The following GBP1 variants were observed in gnomAD, a reference collection of about 807,000 sequenced individuals.
The protein encoded by GBP1 is guanylate-binding protein 1.
Under a neutral mutation model 69.5 loss-of-function variants are expected in GBP1, and 64 were observed. The ratio of observed to expected loss-of-function variants is 0.92; its 90% CI spans 0.75 to 1.13. GBP1 has a LOEUF of 1.13. GBP1 is among the 50% of genes most tolerant of loss of function. The probability of loss-of-function intolerance (pLI) is 0.00; values close to 1 mark genes in which losing one functional copy is unlikely to be tolerated. For missense variants in GBP1, 630 were observed against 704.1 expected, an observed-to-expected ratio of 0.89 and a Z score of 1.19; for synonymous variants, 250 against 261.2, an observed-to-expected ratio of 0.96 and a Z score of 0.41.
At chr1:89,063,326 C>T in intron 1 of GBP1, 73 bp from the exon 2 acceptor site, 1 of 1,377,182 alleles carries the variant, frequency 7.3e-7, no homozygotes, top group Non-Finnish European at 1.0e-6. Flanking sequence ...ATAAGATTCC[C>T]CAGTATGGCC....
chr1:89,058,431 C>T (rs542891494), intron 5 of GBP1, 197 bp from the exon 6 acceptor site: 4 of 561,744 alleles, frequency 7.1e-6, no homozygotes, highest in African/African-American at 5.6e-5. Flanking sequence ...ACCTTATTTA[C>T]AAAGACAGCT....
rs1317954899 is a variant in GBP1, at chr1:89,056,901, T to C, written c.1108A>G (p.Arg370Gly). The change falls in exon 7 of 11, where the codon AGG becomes GGG. Residue 370 changes from arginine (R) to glycine (G), a missense_variant. Transcript: ENST00000370473. ...TGGTCCACATCTTTGAAGGAACTCC[T>C]GATGAAGACTTCAATGGCCTCTCTC... ...SEREAIEVFIRSSFKDVDHLF... is the reference protein window; with the variant it reads ...SEREAIEVFIGSSFKDVDHLF... The C allele has an allele frequency of 1.2e-6, 2 of 1,614,138 alleles. No individual in the cohort carries two copies. Among genetic ancestry groups the C allele is most frequent in the African/African-American group, 2.7e-5 (2 of 74,966 alleles).
chr1:89,054,646 GAAAAAC>G (rs66614512), intron 10 of GBP1, 30 bp downstream of exon 10: 785,539 of 1,587,236 alleles, frequency 0.49, 199,076 homozygotes, highest in Non-Finnish European at 0.52. Context: ...AGAGAAAACA[GAAAAAC>G]AGAAACCTCA....
intron 2 of GBP1, among the ~76,000 whole-genome samples, chr1:89,061,259 C>T (rs768889045): frequency 3.3e-5 from 5 of 152,116 alleles, no homozygotes; most frequent in Non-Finnish European, 5.9e-5. Flanking sequence ...TGGAGTCTCA[C>T]AGTTTCTGAG....
chr1:89,054,160 T>C (rs1452009433), intron 10 of GBP1, among the ~76,000 whole-genome samples: 13 of 152,044 alleles, frequency 8.6e-5, no homozygotes, highest in Non-Finnish European at 4.4e-5. Flanking sequence ...AGTGCAGTGG[T>C]GCGATCTCAG....
chr1:89,055,340 C>G lies in GBP1; in HGVS notation c.1369-125G>C, dbSNP rs369507918. On this transcript the variant is annotated intron_variant, in intron 8 of 10. Coordinates refer to ENST00000370473, the MANE Select transcript of GBP1 (RefSeq NM_002053.3). ...TCTTGGCCCTATTGTCCTTGGTGGT[C>G]AAATTCCCTGTCGGAGCGACAGACA... 1.6e-4 allele frequency: 239 copies of G among 1,493,926 alleles called. 16 individuals are homozygous for G. Among genetic ancestry groups the G allele is most frequent in the East Asian group, 5.7e-4 (24 of 42,356 alleles). 92.5% of individuals were successfully genotyped at this position (1,493,926 alleles called of 1,614,324 possible).
rs1176824019 is a variant in GBP1, at chr1:89,059,013, T to C, written c.459A>G (p.Arg153=). 6.2e-7 allele frequency: 1 copy of C among 1,614,176 alleles called. No individual in the cohort carries two copies. Among genetic ancestry groups the C allele is most frequent in the Non-Finnish European group, 8.5e-7 (1 of 1,180,034 alleles). The change falls in exon 5 of 11, where the codon CGA becomes CGG. Residue 153 remains arginine (R), a synonymous_variant. Transcript: ENST00000370473. ...YYVTELTHRI[R]SKSSPDENEN... is the part of the protein sequence containing the mutation. ...CATTCTCATCAGGTGAGGATTTTGA[T>C]CGGATTCTATGTGTCAGCTCTGTCA...
Position 89,063,199 on chromosome 1 carries a change from G to C in GBP1, c.36C>G (p.Cys12Trp). ...GTCGCCCATTAGTGTTCTCAATGAGGCACATTGGGCCTGTCATGTGGATCT... is the reference window on the plus strand; with the variant it reads ...GTCGCCCATTAGTGTTCTCAATGAGCCACATTGGGCCTGTCATGTGGATCT... ...ASEIHMTGPM[C>W]LIENTNGRLM... is the part of the protein sequence containing the mutation. The change falls in exon 2 of 11, where the codon TGC becomes TGG. Residue 12 changes from cysteine to tryptophan, a missense_variant. By Grantham distance (215) the Cys-to-Trp change is radical (BLOSUM62 -2). Coordinates refer to ENST00000370473, the MANE Select transcript of GBP1 (RefSeq NM_002053.3). The C allele has an allele frequency of 6.2e-7, 1 of 1,614,030 alleles. No homozygotes were observed. The highest frequency in any genetic ancestry group is 8.5e-7 in the Non-Finnish European group (1 of 1,179,936).
chr1:89,054,344 C>T (rs1311381145), intron 10 of GBP1, among the ~76,000 whole-genome samples: 1 of 152,210 alleles, frequency 6.6e-6, no homozygotes, highest in African/African-American at 2.4e-5. Flanking sequence ...TCGTGATCCG[C>T]CCGCCTTGGC....
intron 10 of GBP1, 126 bp downstream of exon 10, chr1:89,054,556 A>G (rs1245759709): frequency 2.3e-6 from 2 of 852,414 alleles, no homozygotes; most frequent in African/African-American, 3.4e-5. Context: ...GGAATTGAAA[A>G]GTACAAGTAA....
intron 10 of GBP1, 92 bp downstream of exon 10, chr1:89,054,590 C>G (rs1300371526): frequency 1.7e-6 from 2 of 1,171,824 alleles, no homozygotes; most frequent in African/African-American, 3.1e-5. Flanking sequence ...TTACCCTGGG[C>G]TTCATGTTCT....
At chr1:89,057,894 C>A (rs1441567691) in intron 6 of GBP1, 98 bp downstream of exon 6, 5 of 1,227,828 alleles carry the variant, frequency 4.1e-6, no homozygotes, top group African/African-American at 3.0e-5. Context: ...ACAAATATAG[C>A]AGTAGATTGG....
chr1:89,063,058 A>T lies in GBP1; in HGVS notation c.177T>A (p.Ala59=), dbSNP rs1314598951. 7 of 1,613,910 alleles carry T rather than the reference A, an allele frequency of 4.3e-6. No individual in the cohort carries two copies. The highest frequency in any genetic ancestry group is 5.9e-6 in the Non-Finnish European group (7 of 1,179,936). Residue 59 remains alanine (A), a synonymous_variant, in exon 2 of 11, where the codon GCT becomes GCA. Transcript: ENST00000370473. The part of the protein sequence containing the change: ...TGKSYLMNKL[A]GKKKGFSLGS... ...CATGCCACTCACCCTTTTTCTTTCC[A>T]GCCAGCTTGTTCATCAGGTAGGATT...
At chr1:89,055,569 T>C (rs1231727552) in intron 8 of GBP1, 2 of 342,848 alleles carry the variant, frequency 5.8e-6, no homozygotes, top group Non-Finnish European at 1.1e-5. Flanking sequence ...GTGACTCAGA[T>C]AGAGGGATGG....
At chr1:89,054,950 G>T in intron 9 of GBP1, 75 bp from the exon 10 acceptor site, 1 of 1,548,908 alleles carries the variant, frequency 6.5e-7, no homozygotes, top group Non-Finnish European at 8.8e-7. Context: ...ACACTTACCT[G>T]TCGTTGTTGC....
Position 89,060,274 on chromosome 1 carries a change from A to T in GBP1, c.241T>A (p.Trp81Arg). ...VQSHTKGIWM[W>R]CVPHPKKPGH... ...GGCTTCTTGGGGTGGGGCACACACC[A>T]CATCCAGATTCCTTTAGTGTGAGAC... The change falls in exon 3 of 11, where the codon TGG (tryptophan) becomes AGG (arginine). Residue 81 changes from tryptophan to arginine, a missense_variant. Trp to Arg is a moderately radical substitution (Grantham distance 101, BLOSUM62 -3). Transcript: ENST00000370473. 1.9e-6 allele frequency: 3 copies of T among 1,603,606 alleles called. No homozygotes were observed. The highest frequency in any genetic ancestry group is 4.6e-5 in the East Asian group (2 of 43,936).
Position 89,063,063 on chromosome 1 carries a change from G to A in GBP1, c.172C>T (p.Leu58=). 1 of 1,614,088 alleles carries A rather than the reference G, an allele frequency of 6.2e-7. No homozygotes were observed. Residue 58 remains leucine, a synonymous_variant, in exon 2 of 11, where the codon CTG becomes TTG. Coordinates refer to ENST00000370473, the MANE Select transcript of GBP1 (RefSeq NM_002053.3). ...RTGKSYLMNK[L]AGKKKGFSLG... is the part of the protein sequence containing the mutation. ...CACTCACCCTTTTTCTTTCCAGCCA[G>A]CTTGTTCATCAGGTAGGATTTGCCT...
chr1:89,065,001 T>C (rs766045039), intron 1 of GBP1, among the ~76,000 whole-genome samples, 159 bp downstream of exon 1: 1 of 152,228 alleles, frequency 6.6e-6, no homozygotes, highest in African/African-American at 2.4e-5. Flanking sequence ...CAGGCTCATC[T>C]GCAGCCTAAT....
In GBP1 at chr1:89,061,693, C is replaced by T. The variant is rs140828703; in HGVS notation, c.190+1352G>A. Among the ~76,000 whole-genome samples the T allele has an allele frequency of 2.2e-3, 336 of 151,858 alleles. 1 individual carries two copies. The highest frequency in any genetic ancestry group is 7.6e-3 in the African/African-American group (314 of 41,452). On this transcript the variant is annotated intron_variant, in intron 2 of 10. Transcript: ENST00000370473. ...AAAATTTAAAACTTTTGTGTATTAA[C>T]GGACACTATCAACAGAGTTAAAAAA...
Sources: gnomAD v4.1 joint callset for allele counts (sites outside exome capture counted in the v4.1 genomes callset) on GRCh38, gnomAD v4.1.1 for gene constraint, MANE v1.5 for transcripts, NCBI Gene and HGNC (gene_info 2026-07-23, HGNC 2026-07-21) for gene names.